Variants in EYS observed in about 807,000 individuals in gnomAD.
EYS encodes the protein EGF-like photoreceptor maintenance factor.
Under a neutral mutation model 282.1 loss-of-function variants are expected in EYS, and 250 were observed. The observed-to-expected ratio is 0.89, with a 90% CI of 0.80 to 0.98. The LOEUF (loss-of-function observed/expected upper bound fraction) is 0.98, where lower values mean the gene tolerates loss of function less well. Ranked by LOEUF, EYS falls within the 50% of genes least tolerant of loss-of-function variation. The probability of loss-of-function intolerance (pLI) is 0.00; values close to 1 mark genes in which losing one functional copy is unlikely to be tolerated. For synonymous variants in EYS, 1,355 were observed against 1,282.9 expected, an observed-to-expected ratio of 1.06 and a Z score of -1.20; for missense variants, 4,016 against 3,709.0, an observed-to-expected ratio of 1.08 and a Z score of -2.15.
At chr6:65,496,850 A>T (rs746180404) in intron 2 of EYS, among the ~76,000 whole-genome samples, 30 of 152,102 alleles carry the variant, frequency 2.0e-4, no homozygotes, top group Non-Finnish European at 3.4e-4. Context: ...GCCATTATAT[A>T]ATTTATTTGT....
At chr6:63,851,099 G>A (rs1772237516) in intron 36 of EYS, among the ~76,000 whole-genome samples, 1 of 152,102 alleles carries the variant, frequency 6.6e-6, no homozygotes, top group Admixed American at 6.5e-5. Context: ...TAATGTAAGG[G>A]GATTCATGCA....
chr6:63,732,395 C>T (rs1450452741), intron 41 of EYS, among the ~76,000 whole-genome samples: 1 of 152,108 alleles, frequency 6.6e-6, no homozygotes, highest in Non-Finnish European at 1.5e-5. Context: ...TAATAATACA[C>T]ATTCAAAATA....
intron 5 of EYS, among the ~76,000 whole-genome samples, chr6:65,488,781 A>G (rs1378557073): frequency 6.6e-6 from 1 of 152,164 alleles, no homozygotes; most frequent in Non-Finnish European, 1.5e-5. Flanking sequence ...AAACAGATAT[A>G]TAGACCAATG....
intron 35 of EYS, among the ~76,000 whole-genome samples, chr6:63,950,018 A>G (rs901937602): frequency 5.7e-4 from 87 of 151,964 alleles, no homozygotes; most frequent in African/African-American, 1.9e-3. Context: ...CTAAAAATAC[A>G]AAAAATTAGC....
chr6:65,152,298 G>C (rs1455897959), intron 12 of EYS, among the ~76,000 whole-genome samples: 1 of 151,944 alleles, frequency 6.6e-6, no homozygotes, highest in Non-Finnish European at 1.5e-5. Context: ...CTAGTGTTAT[G>C]AGAGGAATTT....
At chr6:64,383,156 C>T (rs1772803814) in intron 29 of EYS, among the ~76,000 whole-genome samples, 1 of 152,026 alleles carries the variant, frequency 6.6e-6, no homozygotes, top group Non-Finnish European at 1.5e-5. Context: ...ATTTAAATAG[C>T]AGGGTATGGT....
chr6:64,882,033 A>G (rs1427778917), intron 19 of EYS, among the ~76,000 whole-genome samples: 1 of 151,816 alleles, frequency 6.6e-6, no homozygotes, highest in African/African-American at 2.4e-5. Flanking sequence ...TGCGAGTTCT[A>G]AGTGATAAAG....
chr6:65,648,348 G>GTGTGTA (rs1767531602), intron 1 of EYS, among the ~76,000 whole-genome samples: 1 of 145,364 alleles, frequency 6.9e-6, no homozygotes, highest in Non-Finnish European at 1.5e-5. Flanking sequence ...GTGTGTGTGT[G>GTGTGTA]TGTATACCAT....
chr6:64,436,823 T>A (rs944250037), intron 27 of EYS, among the ~76,000 whole-genome samples: 4 of 151,780 alleles, frequency 2.6e-5, no homozygotes, highest in African/African-American at 9.7e-5. Context: ...TAACCAAGTA[T>A]CCCCAGGAAA....
intron 26 of EYS, among the ~76,000 whole-genome samples, chr6:64,575,208 A>G (rs1256620849): frequency 1.3e-5 from 2 of 152,146 alleles, no homozygotes; most frequent in Non-Finnish European, 2.9e-5. Flanking sequence ...ATCCACATGA[A>G]AATATGGATT....
intron 12 of EYS, among the ~76,000 whole-genome samples, chr6:65,291,807 T>C (rs1468655532): frequency 6.6e-6 from 1 of 151,364 alleles, no homozygotes; most frequent in Non-Finnish European, 1.5e-5. Context: ...ATCGAAAGAG[T>C]AGGATCCTGC....
At chr6:64,897,356 G>A (rs1031926110) in intron 18 of EYS, among the ~76,000 whole-genome samples, 2 of 152,184 alleles carry the variant, frequency 1.3e-5, no homozygotes, top group Admixed American at 6.5e-5. Flanking sequence ...ACCTGCAGAA[G>A]AGGGCCTGAC....
chr6:64,285,705 T>A (rs1384532518), intron 30 of EYS, among the ~76,000 whole-genome samples: 1 of 152,180 alleles, frequency 6.6e-6, no homozygotes, highest in Non-Finnish European at 1.5e-5. Context: ...CACTTCCACA[T>A]GGCTGGGGAG....
chr6:65,303,361 T>C, intron 11 of EYS: 2 of 1,122,780 alleles, frequency 1.8e-6, no homozygotes, highest in East Asian at 2.4e-5. Flanking sequence ...GATTGGGCCT[T>C]ACTGAGACAC....
intron 2 of EYS, among the ~76,000 whole-genome samples, chr6:65,514,150 GA>G (rs1767023355): frequency 6.6e-6 from 1 of 151,784 alleles, no homozygotes; most frequent in Admixed American, 6.6e-5. Flanking sequence ...ACCAATAACA[GA>G]CAAACAGAGC....
At chr6:64,769,556 C>T (rs962941085) in intron 22 of EYS, among the ~76,000 whole-genome samples, 4 of 151,982 alleles carry the variant, frequency 2.6e-5, no homozygotes, top group African/African-American at 9.7e-5. Context: ...ATAGTTCCCA[C>T]CTGTGTAATA....
At chr6:64,180,117 ATATAT>A (rs529300673) in intron 31 of EYS, among the ~76,000 whole-genome samples, 18 of 152,144 alleles carry the variant, frequency 1.2e-4, no homozygotes, top group Non-Finnish European at 2.2e-4. Context: ...AACACTTTTG[ATATAT>A]TAAAATACTG....
At chr6:64,955,560 A>ATACC (rs1203664578) in intron 14 of EYS, among the ~76,000 whole-genome samples, 4 of 152,152 alleles carry the variant, frequency 2.6e-5, no homozygotes, top group Non-Finnish European at 5.9e-5. Context: ...GTTTGCTCAG[A>ATACC]AGGGATTTAT....
At chr6:64,502,895 A>T (rs1777099504) in intron 26 of EYS, among the ~76,000 whole-genome samples, 1 of 152,214 alleles carries the variant, frequency 6.6e-6, no homozygotes, top group Non-Finnish European at 1.5e-5. Context: ...TAGCACATCA[A>T]AGCATAGTTT....
Sources: gnomAD v4.1 joint callset for allele counts (sites outside exome capture counted in the v4.1 genomes callset) on GRCh38, gnomAD v4.1.1 for gene constraint, MANE v1.5 for transcripts, NCBI Gene and HGNC (gene_info 2026-07-23, HGNC 2026-07-21) for gene names.